The following TMSB15B variants were observed in gnomAD, a reference collection of about 807,000 sequenced individuals.
TMSB15B encodes the protein thymosin beta 15B.
intron 1 of TMSB15B, among the ~76,000 whole-genome samples, chrX:103,936,327 T>A (rs1197591104): frequency 8.9e-6 from 1 of 111,805 alleles, no homozygotes; most frequent in Non-Finnish European, 1.9e-5. Context: ...CTTATTTCCT[T>A]GAGCAGTGGT....
At chrX:103,935,482 G>A (rs781840889) in intron 1 of TMSB15B, among the ~76,000 whole-genome samples, 6 of 112,045 alleles carry the variant, frequency 5.4e-5, no homozygotes, top group Admixed American at 9.4e-5. Context: ...TAGGTCTTAC[G>A]TTTAAATCTT....
At chrX:103,940,727 A>ACAACAG (rs1396814364) in intron 1 of TMSB15B, among the ~76,000 whole-genome samples, 13 of 110,537 alleles carry the variant, frequency 1.2e-4, no homozygotes, top group African/African-American at 3.3e-4. Flanking sequence ...AACAACAACA[A>ACAACAG]CAACAGCAAC....
chrX:103,945,497 C>G (rs1448139427), intron 1 of TMSB15B, among the ~76,000 whole-genome samples: 2 of 112,116 alleles, frequency 1.8e-5, no homozygotes, highest in African/African-American at 3.2e-5. Flanking sequence ...AGAGTAAGAA[C>G]TGACTCACTC....
intron 1 of TMSB15B, among the ~76,000 whole-genome samples, chrX:103,951,300 C>G (rs2075038681): frequency 9.0e-6 from 1 of 111,550 alleles, no homozygotes; most frequent in Non-Finnish European, 1.9e-5. Context: ...ACAGGAAGAC[C>G]ATGTGTATGG....
rs151014533 is a variant in TMSB15B, at chrX:103,922,039, T to C, written c.-721+2747T>C. On this transcript the variant is annotated intron_variant, in intron 1 of 3. Transcript: ENST00000419165. ...AGACCGATTGCAGCTTTTAGAACAA[T>C]TTAGTTGTTATCTTGCCTTTATTCC... is the stretch of plus-strand genomic sequence containing the variant. Among the ~76,000 whole-genome samples, 336 of 110,927 alleles carry C rather than the reference T, an allele frequency of 3.0e-3. 3 individuals carry two copies. Among genetic ancestry groups the C allele is most frequent in the African/African-American group, 0.011 (323 of 30,591 alleles).
At chrX:103,953,898 G>T (rs1357221902) in intron 1 of TMSB15B, among the ~76,000 whole-genome samples, 1 of 111,395 alleles carries the variant, frequency 9.0e-6, no homozygotes, top group Non-Finnish European at 1.9e-5. Flanking sequence ...GACCCTAAGT[G>T]CCTTCTCCAC....
intron 1 of TMSB15B, among the ~76,000 whole-genome samples, chrX:103,926,767 C>G (rs1411635140): frequency 1.8e-5 from 2 of 110,267 alleles, no homozygotes; most frequent in Non-Finnish European, 3.8e-5. Flanking sequence ...TTCATGCCCC[C>G]CATCACATAG....
intron 1 of TMSB15B, among the ~76,000 whole-genome samples, chrX:103,948,737 C>T (rs1221651698): frequency 1.8e-5 from 2 of 112,110 alleles, no homozygotes; most frequent in African/African-American, 6.5e-5. Flanking sequence ...TGTCATAATG[C>T]AAAAAATCAC....
intron 1 of TMSB15B, among the ~76,000 whole-genome samples, chrX:103,920,642 A>G (rs1392211476): frequency 8.9e-5 from 10 of 112,694 alleles, no homozygotes; most frequent in African/African-American, 3.2e-4. Flanking sequence ...GGTCTGTCAT[A>G]ATGTCTTCCT....
chrX:103,925,850 G>A (rs782747479), intron 1 of TMSB15B, among the ~76,000 whole-genome samples: 1 of 112,018 alleles, frequency 8.9e-6, no homozygotes, highest in African/African-American at 3.2e-5. Flanking sequence ...ACATTATTGC[G>A]CTCTGAGGTA....
At chrX:103,940,943 G>A (rs1284830827) in intron 1 of TMSB15B, among the ~76,000 whole-genome samples, 1 of 111,103 alleles carries the variant, frequency 9.0e-6, no homozygotes, top group Non-Finnish European at 1.9e-5. Context: ...AGTCCTTCAC[G>A]GCTTCCCTTG....
intron 1 of TMSB15B, among the ~76,000 whole-genome samples, chrX:103,938,235 G>A (rs782468203): frequency 3.6e-5 from 4 of 111,503 alleles, no homozygotes; most frequent in African/African-American, 9.8e-5. Flanking sequence ...TTTCTGTCTC[G>A]TTGATCTGTC....
intron 1 of TMSB15B, among the ~76,000 whole-genome samples, chrX:103,934,536 T>C (rs1159514800): frequency 9.1e-6 from 1 of 110,318 alleles, no homozygotes; most frequent in Non-Finnish European, 1.9e-5. Context: ...TTCCCCTCCC[T>C]GTGCCCATAT....
At chrX:103,924,030 T>A (rs1460015760) in intron 1 of TMSB15B, among the ~76,000 whole-genome samples, 4 of 111,948 alleles carry the variant, frequency 3.6e-5, no homozygotes, top group African/African-American at 1.3e-4. Context: ...TTTCCATACT[T>A]TGTCTCATGC....
chrX:103,949,420 G>A (rs1294877552), intron 1 of TMSB15B, among the ~76,000 whole-genome samples: 1 of 112,342 alleles, frequency 8.9e-6, no homozygotes, highest in Non-Finnish European at 1.9e-5. Flanking sequence ...CCAGATGAGA[G>A]ATGATGGTGG....
intron 1 of TMSB15B, among the ~76,000 whole-genome samples, chrX:103,948,080 C>T (rs2075030096): frequency 9.0e-6 from 1 of 111,276 alleles, no homozygotes; most frequent in Non-Finnish European, 1.9e-5. Context: ...AGGAGAAATA[C>T]CTAATGTAGA....
intron 1 of TMSB15B, among the ~76,000 whole-genome samples, chrX:103,947,502 G>A (rs2075028485): frequency 8.9e-6 from 1 of 111,743 alleles, no homozygotes; most frequent in African/African-American, 3.3e-5. Flanking sequence ...ATGTATGTAT[G>A]TATATTGTAC....
intron 1 of TMSB15B, among the ~76,000 whole-genome samples, chrX:103,939,798 C>T (rs1486419729): frequency 8.9e-6 from 1 of 111,892 alleles, no homozygotes; most frequent in Non-Finnish European, 1.9e-5. Context: ...GTGGGTTTAT[C>T]TACCTTTCGT....
At chrX:103,928,723 C>T (rs2147817960) in intron 1 of TMSB15B, 2 of 1,161,718 alleles carry the variant, frequency 1.7e-6, no homozygotes, top group Admixed American at 2.2e-5. Context: ...AGGCCTGGCC[C>T]ATTGGGTTCC....
Sources: allele counts gnomAD v4.1 joint callset (sites outside exome capture counted in the v4.1 genomes callset), GRCh38; gene constraint gnomAD v4.1.1; transcripts MANE v1.5; gene names NCBI Gene and HGNC (gene_info 2026-07-23, HGNC 2026-07-21).